The following PDZRN4 variants were observed in gnomAD, a reference collection of about 807,000 sequenced individuals.
PDZRN4 encodes the protein PDZ domain containing ring finger 4, also known as PDZ domain-containing RING finger protein 4.
Under a neutral mutation model 99.0 loss-of-function variants are expected in PDZRN4, and 70 were observed. The ratio of observed to expected loss-of-function variants is 0.71; its 90% CI spans 0.58 to 0.86. The LOEUF (loss-of-function observed/expected upper bound fraction) is 0.86. Ranked by LOEUF, PDZRN4 falls within the 40% of genes least tolerant of loss-of-function variation. The pLI is 0.00. For missense variants in PDZRN4, 1,474 were observed against 1,331.2 expected (o/e 1.11, Z -1.67); for synonymous variants, 551 against 501.6 (o/e 1.10, Z -1.32).
chr12:41,540,866 T>C (rs1389010067), intron 5 of PDZRN4, among the ~76,000 whole-genome samples: 4 of 119,924 alleles, frequency 3.3e-5, no homozygotes, highest in East Asian at 4.4e-4. Context: ...TTTTCTTCGT[T>C]GTTGTTGTTG....
intron 5 of PDZRN4, among the ~76,000 whole-genome samples, chr12:41,526,356 C>T (rs1459047235): frequency 6.6e-6 from 1 of 152,196 alleles, no homozygotes; most frequent in Non-Finnish European, 1.5e-5. Context: ...CTCAGAGACT[C>T]TCTGGTTCAC....
intron 3 of PDZRN4, among the ~76,000 whole-genome samples, chr12:41,469,838 G>A (rs1402739856): frequency 2.0e-5 from 3 of 152,158 alleles, no homozygotes; most frequent in South Asian, 4.1e-4. Flanking sequence ...GCTGAGGCGG[G>A]AGAATGGTGT....
chr12:41,506,846 C>A, intron 4 of PDZRN4, 134 bp downstream of exon 4: 1 of 967,156 alleles, frequency 1.0e-6, no homozygotes, highest in Non-Finnish European at 1.5e-6. Context: ...TGGAAAATGT[C>A]TCCCCTGTTT....
At chr12:41,406,302 T>G (rs908727414) in intron 3 of PDZRN4, among the ~76,000 whole-genome samples, 1 of 149,452 alleles carries the variant, frequency 6.7e-6, no homozygotes, top group Non-Finnish European at 1.5e-5. Flanking sequence ...AATGAGGAAA[T>G]GACACATTTA....
intron 3 of PDZRN4, among the ~76,000 whole-genome samples, chr12:41,489,557 A>G (rs1865985650): frequency 1.3e-5 from 2 of 152,154 alleles, no homozygotes; most frequent in African/African-American, 4.8e-5. Flanking sequence ...CTTTACATGC[A>G]GTGTTTAGTA....
intron 3 of PDZRN4, among the ~76,000 whole-genome samples, chr12:41,273,548 T>C (rs778326008): frequency 5.0e-4 from 76 of 152,108 alleles, no homozygotes; most frequent in Non-Finnish European, 5.4e-4. Context: ...ATGGGGGAAG[T>C]GATAAAGGGT....
intron 3 of PDZRN4, among the ~76,000 whole-genome samples, chr12:41,314,779 C>G (rs554307901): frequency 6.6e-6 from 1 of 150,820 alleles, no homozygotes; most frequent in East Asian, 2.0e-4. Context: ...TTCAGATATT[C>G]CCAATATGGA....
rs184508246 is a variant in PDZRN4, at chr12:41,409,201, C to T, written c.844-97255C>T. Among the ~76,000 whole-genome samples the T allele has an allele frequency of 5.9e-4, 90 of 152,106 alleles. 1 individual carries two copies. The highest frequency in any genetic ancestry group is 2.0e-3 in the African/African-American group (84 of 41,500). ...ATCATACTTTTAGAAAACAAAAATACCTCTTATTTTAAATACCTCTTATTT... is the reference window on the plus strand; with the variant it reads ...ATCATACTTTTAGAAAACAAAAATATCTCTTATTTTAAATACCTCTTATTT... On this transcript the variant is annotated intron_variant, in intron 3 of 9. Coordinates refer to ENST00000402685, the MANE Select transcript of PDZRN4 (RefSeq NM_001164595.2).
At position 41,562,558 on chromosome 12, in the gene PDZRN4, A is replaced by G. The variant is rs1939287274; in HGVS notation, c.1366-990A>G. ...GGAATTTCTTTCCCATTATTTGATT[A>G]CATATAATTATAAATCAAAAATCTT... On this transcript the variant is annotated intron_variant, in intron 7 of 9. Transcript: ENST00000402685. Among the ~76,000 whole-genome samples, 8 of 152,152 alleles carry G rather than the reference A, an allele frequency of 5.3e-5. 1 individual carries two copies. Among genetic ancestry groups the G allele is most frequent in the Admixed American group, 5.2e-4 (8 of 15,264 alleles).
rs529104835 is a variant in PDZRN4, at chr12:41,487,549, T to A, written c.844-18907T>A. Reference sequence around the variant, plus strand: ...CCTCAACTATGTGTATTAAAAAGTGTTCAATATTGAGAACTCTAAAAATAT... The same window carrying A: ...CCTCAACTATGTGTATTAAAAAGTGATCAATATTGAGAACTCTAAAAATAT... On this transcript the variant is annotated intron_variant, in intron 3 of 9. Transcript: ENST00000402685. Among the ~76,000 whole-genome samples, 263 of 152,308 alleles carry A rather than the reference T, an allele frequency of 1.7e-3. 2 individuals are homozygous for A. The highest frequency in any genetic ancestry group is 6.0e-3 in the African/African-American group (250 of 41,576).
chr12:41,251,610 T>TA lies in PDZRN4; in HGVS notation c.843+57425dup, dbSNP rs540814048. The stretch of plus-strand genomic sequence containing the variant: ...AAAAGTTAGTTTATTTTGATGCAAA[T>TA]AAATTTGAAATTCATGCATAATTTT... On this transcript the variant is annotated intron_variant, in intron 3 of 9. Transcript: ENST00000402685. Among the ~76,000 whole-genome samples the TA allele has an allele frequency of 1.1e-3, 164 of 152,314 alleles. 2 individuals carry two copies. The highest frequency in any genetic ancestry group is 3.6e-3 in the African/African-American group (151 of 41,568).
At chr12:41,304,410 C>A (rs1473229541) in intron 3 of PDZRN4, among the ~76,000 whole-genome samples, 3 of 152,156 alleles carry the variant, frequency 2.0e-5, no homozygotes, top group African/African-American at 4.8e-5. Context: ...GTTTCTCAAA[C>A]TGTTTTTTAA....
At chr12:41,284,627 C>G (rs367755883) in intron 3 of PDZRN4, among the ~76,000 whole-genome samples, 11 of 152,252 alleles carry the variant, frequency 7.2e-5, no homozygotes, top group African/African-American at 2.2e-4. Flanking sequence ...GCTACAGTAA[C>G]CAAAACATCA....
intron 3 of PDZRN4, among the ~76,000 whole-genome samples, chr12:41,258,345 G>C (rs1951216847): frequency 2.6e-5 from 4 of 152,138 alleles, no homozygotes; most frequent in Admixed American, 1.3e-4. Flanking sequence ...TAGAAGGAGG[G>C]AGGAAAGGAG....
Position 41,470,468 on chromosome 12 carries a change from T to C in PDZRN4, c.844-35988T>C, listed in dbSNP as rs1952976491. Among the ~76,000 whole-genome samples, 2 of 151,068 alleles carry C rather than the reference T, an allele frequency of 1.3e-5. 1 individual carries two copies. Among genetic ancestry groups the C allele is most frequent in the South Asian group, 4.2e-4 (2 of 4,744 alleles). ...GACCCAGGTTCCTTCCATCTACCTC[T>C]GTCATTCCCTGTGGCTTCACTTCCT... On this transcript the variant is annotated intron_variant, in intron 3 of 9. Coordinates refer to ENST00000402685, the MANE Select transcript of PDZRN4 (RefSeq NM_001164595.2).
chr12:41,452,032 TTTG>T (rs1952778912), intron 3 of PDZRN4, among the ~76,000 whole-genome samples: 1 of 152,138 alleles, frequency 6.6e-6, no homozygotes, highest in African/African-American at 2.4e-5. Flanking sequence ...TGTAGAATCT[TTTG>T]TTAATATGTT....
intron 3 of PDZRN4, among the ~76,000 whole-genome samples, chr12:41,323,275 T>A (rs898153999): frequency 4.4e-4 from 67 of 152,198 alleles, no homozygotes; most frequent in Non-Finnish European, 8.7e-4. Context: ...AATAAAGTAA[T>A]TCTTCATTTG....
chr12:41,409,220 CTT>C (rs1221193423), intron 3 of PDZRN4, among the ~76,000 whole-genome samples: 2 of 152,060 alleles, frequency 1.3e-5, no homozygotes, highest in Non-Finnish European at 2.9e-5. Flanking sequence ...TTAAATACCT[CTT>C]ATTTCTAGAT....
At chr12:41,310,976 T>C (rs1162147118) in intron 3 of PDZRN4, among the ~76,000 whole-genome samples, 2 of 152,172 alleles carry the variant, frequency 1.3e-5, no homozygotes, top group Non-Finnish European at 2.9e-5. Context: ...ATCTAGAATG[T>C]AAATTAGGTC....
Sources: allele counts gnomAD v4.1 joint callset (sites outside exome capture counted in the v4.1 genomes callset), GRCh38; gene constraint gnomAD v4.1.1; transcripts MANE v1.5; gene names NCBI Gene and HGNC (gene_info 2026-07-23, HGNC 2026-07-21).